NALCN: variants seen among roughly 807,000 people sequenced by gnomAD.
NALCN encodes the protein sodium leak channel NALCN.
NALCN carries 111 observed loss-of-function variants against 225.3 expected under a neutral mutation model. That is an observed-to-expected ratio of 0.49 (90% CI 0.42 to 0.58). NALCN has a LOEUF of 0.58. Ranked by LOEUF, NALCN falls within the 20% of genes least tolerant of loss-of-function variation. The pLI is 0.00. For missense variants in NALCN, 1,378 were observed against 2,202.4 expected (o/e 0.63, Z 7.49); for synonymous variants, 764 against 769.0 (o/e 0.99, Z 0.11).
rs1275025792 is a variant in NALCN, at chr13:101,080,734, TA to T, written c.3885+792del. Among the ~76,000 whole-genome samples the T allele has an allele frequency of 2.1e-5, 3 of 143,054 alleles. No individual in the cohort carries two copies. In the East Asian group the frequency reaches 6.0e-4, roughly 28 times the overall value. 93.8% of individuals were successfully genotyped at this position (143,054 alleles called of 152,430 possible). On this transcript the variant is annotated intron_variant, in intron 34 of 43. Transcript: ENST00000251127. ...TTTAATTAATACATATTTTAAATAATAAAATATATTACATAATTAAATAATT... is the reference window on the plus strand; with the variant it reads ...TTTAATTAATACATATTTTAAATAATAAATATATTACATAATTAAATAATT...
intron 37 of NALCN, among the ~76,000 whole-genome samples, chr13:101,070,009 C>A (rs529408928): frequency 3.3e-5 from 5 of 150,884 alleles, no homozygotes; most frequent in African/African-American, 1.2e-4. Flanking sequence ...TCAACTTCTT[C>A]CAAATTCCTG....
intron 7 of NALCN, among the ~76,000 whole-genome samples, chr13:101,313,611 A>G (rs2044438701): frequency 1.3e-5 from 2 of 152,202 alleles, no homozygotes; most frequent in Admixed American, 1.3e-4. Flanking sequence ...TGCAAATCAA[A>G]ACCACAATGA....
chr13:101,124,646 G>A lies in NALCN; in HGVS notation c.2154C>T (p.Asn718=). The change falls in exon 18 of 44, where the codon AAC becomes AAT. Residue 718 remains asparagine, a synonymous_variant. Transcript: ENST00000251127. The part of the protein sequence containing the change: ...RKSVFSIRAR[N]LLEKETAVTK... ...TGACTGCGGTCTCCTTTTCCAGAAG[G>A]TTCCTTGCCCTGATGCTGAAAACAG... is the stretch of plus-strand genomic sequence containing the variant. 6.2e-7 allele frequency: 1 copy of A among 1,613,994 alleles called. No homozygotes were observed. Among genetic ancestry groups the A allele is most frequent in the East Asian group, 2.2e-5 (1 of 44,858 alleles).
chr13:101,080,773 T>TTTAA (rs10648763), intron 34 of NALCN, among the ~76,000 whole-genome samples: 56,958 of 147,392 alleles, frequency 0.39, 11,206 homozygotes, highest in East Asian at 0.57. Flanking sequence ...TTATTATTTA[T>TTTAA]TTAATAATTA....
At chr13:101,379,304 GT>G (rs368176515) in intron 3 of NALCN, among the ~76,000 whole-genome samples, 44 of 152,298 alleles carry the variant, frequency 2.9e-4, no homozygotes, top group African/African-American at 1.1e-3. Context: ...GAAAGACAGT[GT>G]GGCGATTCCT....
intron 27 of NALCN, among the ~76,000 whole-genome samples, chr13:101,099,894 A>G (rs2034713219): frequency 6.6e-6 from 1 of 152,170 alleles, no homozygotes; most frequent in Non-Finnish European, 1.5e-5. Flanking sequence ...TTTGGAGGAG[A>G]GCTGTATATA....
intron 26 of NALCN, among the ~76,000 whole-genome samples, chr13:101,102,725 A>G (rs1594207506): frequency 6.6e-6 from 1 of 152,222 alleles, no homozygotes. Context: ...TTTTATGTTA[A>G]CACTCCTGAG....
intron 11 of NALCN, among the ~76,000 whole-genome samples, chr13:101,252,675 T>A (rs1477787780): frequency 2.0e-5 from 3 of 152,106 alleles, no homozygotes; most frequent in Non-Finnish European, 4.4e-5. Context: ...CCCTCTGGCT[T>A]CATTGGAAAA....
intron 20 of NALCN, 54 bp downstream of exon 20, chr13:101,110,565 A>C: frequency 6.3e-7 from 1 of 1,579,594 alleles, no homozygotes; most frequent in Non-Finnish European, 8.7e-7. Flanking sequence ...GCAGTCATTT[A>C]AATACATTTT....
intron 14 of NALCN, among the ~76,000 whole-genome samples, chr13:101,189,955 A>G (rs1366754209): frequency 2.0e-5 from 3 of 152,170 alleles, no homozygotes; most frequent in African/African-American, 7.2e-5. Context: ...TCTATAACCA[A>G]TGCCATATTT....
intron 7 of NALCN, among the ~76,000 whole-genome samples, chr13:101,322,826 C>T (rs1390718185): frequency 6.6e-6 from 1 of 152,058 alleles, no homozygotes; most frequent in African/African-American, 2.4e-5. Flanking sequence ...AATTCTCCTA[C>T]CTCAGCCTCC....
Position 101,172,547 on chromosome 13 carries a change from T to C in NALCN, c.1839+3753A>G, listed in dbSNP as rs77785434. ...GTTGAGCCCTACTGAGTGTTGCATG[T>C]TAACACCCCCATTTATTGTTATTAT... On this transcript the variant is annotated intron_variant, in intron 15 of 43. Coordinates refer to ENST00000251127, the MANE Select transcript of NALCN (RefSeq NM_052867.4). Among the ~76,000 whole-genome samples the C allele has an allele frequency of 5.7e-3, 862 of 152,248 alleles. 29 individuals are homozygous for C. Among genetic ancestry groups the C allele is most frequent in the East Asian group, 0.046 (236 of 5,170 alleles).
chr13:101,058,423 G>GTT, intron 42 of NALCN: 1 of 190,528 alleles, frequency 5.2e-6, no homozygotes, highest in Non-Finnish European at 1.1e-5. Flanking sequence ...GGGCTGGGCG[G>GTT]GGGCAGTCTA....
chr13:101,167,847 AAAAAC>A lies in NALCN; in HGVS notation c.1839+8448_1839+8452del, dbSNP rs780857566. 5.9e-3 allele frequency among the ~76,000 whole-genome samples: 499 copies of A among 84,378 alleles called. 3 individuals are homozygous for A. The highest frequency in any genetic ancestry group is 0.016 in the African/African-American group (430 of 27,492). The allele number at this position is 84,378 out of a possible 152,430, so 55.4% of individuals were successfully genotyped here. A position where few individuals can be genotyped will look rare whatever the true frequency, so the allele number is the denominator to read the frequency against. Reference sequence around the variant, plus strand: ...GGTTGAGACTCTGTCAAAAAAAAACAAAAACAAAAACTGTTAAGTCGAATCATCGT... The same window carrying A: ...GGTTGAGACTCTGTCAAAAAAAAACAAAAAACTGTTAAGTCGAATCATCGT... On this transcript the variant is annotated intron_variant, in intron 15 of 43. Coordinates refer to ENST00000251127, the MANE Select transcript of NALCN (RefSeq NM_052867.4).
chr13:101,124,410 G>A (rs2036130648), intron 18 of NALCN, among the ~76,000 whole-genome samples, 198 bp downstream of exon 18: 1 of 152,036 alleles, frequency 6.6e-6, no homozygotes, highest in Non-Finnish European at 1.5e-5. Flanking sequence ...AAGGCCTACT[G>A]AGCTACTAAA....
intron 7 of NALCN, among the ~76,000 whole-genome samples, chr13:101,323,262 A>G (rs376613293): frequency 3.3e-5 from 5 of 152,310 alleles, no homozygotes; most frequent in African/African-American, 9.6e-5. Flanking sequence ...AACTTGCCAA[A>G]TTTCTTAGCT....
chr13:101,210,544 G>A (rs7489479), intron 13 of NALCN, among the ~76,000 whole-genome samples: 1 of 151,782 alleles, frequency 6.6e-6, no homozygotes, highest in Non-Finnish European at 1.5e-5. Flanking sequence ...TTTTGCATTT[G>A]TCTGGAAAGT....
chr13:101,273,884 CAAAAAAAAAAA>C (rs34847260), intron 10 of NALCN, among the ~76,000 whole-genome samples: 1 of 95,868 alleles, frequency 1.0e-5, no homozygotes, highest in Non-Finnish European at 2.0e-5. Flanking sequence ...GACTCCATCT[CAAAAAAAAAAA>C]AAAAAAAAAA....
At position 101,224,060 on chromosome 13, in the gene NALCN, G is replaced by A. The variant is rs181258800; in HGVS notation, c.1626+5333C>T. ...TACACCCATGGCAGCAAAACTCCAG[G>A]GACTCCCCAACTGGTTTCATTATAC... On this transcript the variant is annotated intron_variant, in intron 13 of 43. Transcript: ENST00000251127. Among the ~76,000 whole-genome samples, 14 of 152,058 alleles carry A rather than the reference G, an allele frequency of 9.2e-5. No homozygotes were observed. In the East Asian group the frequency reaches 2.1e-3, roughly 23 times the overall value.
Sources: allele counts gnomAD v4.1 joint callset (sites outside exome capture counted in the v4.1 genomes callset), GRCh38; gene constraint gnomAD v4.1.1; transcripts MANE v1.5; gene names NCBI Gene and HGNC (gene_info 2026-07-23, HGNC 2026-07-21).